The following CSMD1 variants were observed in gnomAD, a reference collection of about 807,000 sequenced individuals.
The protein encoded by CSMD1 is CUB and Sushi multiple domains 1.
A neutral mutation model predicts 417.5 loss-of-function variants in CSMD1; 213 were observed. The observed-to-expected ratio is 0.51, with a 90% CI of 0.46 to 0.57. CSMD1 has a LOEUF of 0.57. Ranked by LOEUF, CSMD1 falls within the 20% of genes least tolerant of loss-of-function variation. CSMD1 has a pLI of 0.00. For synonymous variants in CSMD1, 2,862 were observed against 1,736.8 expected (o/e 1.65, Z -16.11); for missense variants, 6,923 against 4,529.7 (o/e 1.53, Z -15.17).
At chr8:3,201,830 C>A in intron 31 of CSMD1, 105 bp from the exon 32 acceptor site, 1 of 432,634 alleles carries the variant, frequency 2.3e-6, no homozygotes, top group Admixed American at 5.4e-5. Context: ...GGATCATTAT[C>A]CTAAGAATTT....
intron 68 of CSMD1, among the ~76,000 whole-genome samples, chr8:2,943,284 G>A (rs1270531635): frequency 6.6e-6 from 1 of 151,130 alleles, no homozygotes; most frequent in Admixed American, 6.6e-5. Flanking sequence ...CTGGAGTGCA[G>A]TGGAGTGATC....
At chr8:4,029,566 T>A (rs893114012) in intron 4 of CSMD1, among the ~76,000 whole-genome samples, 3 of 152,280 alleles carry the variant, frequency 2.0e-5, no homozygotes, top group Middle Eastern at 3.4e-3. Flanking sequence ...TACCTCCCAC[T>A]GGCTTCCTCC....
At chr8:4,262,245 G>T (rs768963692) in intron 3 of CSMD1, among the ~76,000 whole-genome samples, 4 of 152,094 alleles carry the variant, frequency 2.6e-5, no homozygotes, top group Non-Finnish European at 4.4e-5. Flanking sequence ...GTGAAACTCC[G>T]GGGCATGGTG....
intron 3 of CSMD1, among the ~76,000 whole-genome samples, chr8:4,130,469 G>C (rs907696659): frequency 1.3e-5 from 2 of 152,138 alleles, no homozygotes; most frequent in Admixed American, 6.6e-5. Flanking sequence ...AATTGCTGAA[G>C]CTTTTGAGTG....
At chr8:4,457,074 G>A (rs767018920) in intron 2 of CSMD1, among the ~76,000 whole-genome samples, 5 of 151,654 alleles carry the variant, frequency 3.3e-5, no homozygotes, top group South Asian at 2.1e-4. Flanking sequence ...TACCAGGTGT[G>A]TCTGGCACAG....
chr8:4,821,211 G>A (rs1273172994), intron 1 of CSMD1, among the ~76,000 whole-genome samples: 5 of 152,066 alleles, frequency 3.3e-5, no homozygotes, highest in Non-Finnish European at 5.9e-5. Context: ...CGTCATGGAA[G>A]GAAAAACATT....
chr8:4,741,381 T>G (rs1810595574), intron 1 of CSMD1, among the ~76,000 whole-genome samples: 1 of 152,234 alleles, frequency 6.6e-6, no homozygotes, highest in Admixed American at 6.5e-5. Context: ...GAAAGGACAC[T>G]ATTATTCTTG....
At chr8:4,628,370 G>A (rs1319414590) in intron 2 of CSMD1, among the ~76,000 whole-genome samples, 1 of 148,540 alleles carries the variant, frequency 6.7e-6, no homozygotes, top group Non-Finnish European at 1.5e-5. Flanking sequence ...GTATGTGTGT[G>A]TGTATATATA....
intron 2 of CSMD1, among the ~76,000 whole-genome samples, chr8:4,441,767 C>G (rs1798496924): frequency 6.6e-6 from 1 of 152,088 alleles, no homozygotes; most frequent in Admixed American, 6.5e-5. Context: ...GTCCATTTGA[C>G]TGACTAATCT....
At chr8:3,969,963 C>T (rs1812966391) in intron 5 of CSMD1, among the ~76,000 whole-genome samples, 1 of 152,026 alleles carries the variant, frequency 6.6e-6, no homozygotes, top group African/African-American at 2.4e-5. Context: ...CATTTTCTGT[C>T]ACTCAGGGAA....
intron 3 of CSMD1, among the ~76,000 whole-genome samples, chr8:4,186,793 C>G (rs1372139143): frequency 1.3e-5 from 2 of 151,102 alleles, no homozygotes; most frequent in African/African-American, 4.9e-5. Context: ...TCAAGACCAG[C>G]CTGGTCTACA....
At chr8:3,922,080 T>A (rs2129144497) in intron 5 of CSMD1, among the ~76,000 whole-genome samples, 1 of 152,298 alleles carries the variant, frequency 6.6e-6, no homozygotes, top group South Asian at 2.1e-4. Context: ...GGTGCATATA[T>A]AATTTTATAT....
At chr8:4,466,786 T>G (rs532009966) in intron 2 of CSMD1, among the ~76,000 whole-genome samples, 1 of 152,134 alleles carries the variant, frequency 6.6e-6, no homozygotes, top group South Asian at 2.1e-4. Flanking sequence ...TACCACCAAC[T>G]GAAATCCATA....
At chr8:3,762,663 A>G (rs1798074794) in intron 5 of CSMD1, among the ~76,000 whole-genome samples, 2 of 152,228 alleles carry the variant, frequency 1.3e-5, no homozygotes, top group Non-Finnish European at 2.9e-5. Context: ...GACGCCGTAC[A>G]GGCACACTGG....
intron 3 of CSMD1, among the ~76,000 whole-genome samples, chr8:4,243,438 A>G (rs535158914): frequency 6.6e-6 from 1 of 152,238 alleles, no homozygotes; most frequent in East Asian, 1.9e-4. Flanking sequence ...TTCCCCTGTA[A>G]CTGACACTCT....
chr8:3,349,451 G>C (rs1045412637), intron 21 of CSMD1, among the ~76,000 whole-genome samples: 1 of 152,032 alleles, frequency 6.6e-6, no homozygotes, highest in East Asian at 1.9e-4. Flanking sequence ...GAGAAAGTCA[G>C]AGAGGAGAAC....
intron 23 of CSMD1, among the ~76,000 whole-genome samples, chr8:3,310,475 C>T (rs561653852): frequency 2.0e-5 from 3 of 152,202 alleles, no homozygotes; most frequent in African/African-American, 7.2e-5. Context: ...CCTGGCCACA[C>T]TTGGAGTCCA....
At chr8:4,360,362 C>T (rs1375730756) in intron 3 of CSMD1, among the ~76,000 whole-genome samples, 2 of 152,146 alleles carry the variant, frequency 1.3e-5, no homozygotes, top group Non-Finnish European at 2.9e-5. Flanking sequence ...TAACACATGC[C>T]TCTTTACCCT....
intron 1 of CSMD1, among the ~76,000 whole-genome samples, chr8:4,735,347 G>A (rs1585018411): frequency 6.6e-6 from 1 of 152,056 alleles, no homozygotes; most frequent in Non-Finnish European, 1.5e-5. Context: ...ATCTAAACCT[G>A]GATTTTCTGT....
Sources: gnomAD v4.1 joint callset for allele counts (sites outside exome capture counted in the v4.1 genomes callset) on GRCh38, gnomAD v4.1.1 for gene constraint, MANE v1.5 for transcripts, NCBI Gene and HGNC (gene_info 2026-07-23, HGNC 2026-07-21) for gene names.